Variants in TLN2 observed in about 807,000 individuals in gnomAD.
TLN2 encodes the protein talin-2.
Under a neutral mutation model 294.7 loss-of-function variants are expected in TLN2, and 118 were observed. That is an observed-to-expected ratio of 0.40 (90% CI 0.34 to 0.47). The LOEUF is 0.47. Ranked by LOEUF, TLN2 falls within the 20% of genes least tolerant of loss-of-function variation. The pLI, the probability that TLN2 is intolerant of heterozygous loss-of-function variation, is 0.84. For missense variants in TLN2, 3,083 were observed against 3,282.2 expected (o/e 0.94, Z 1.48); for synonymous variants, 1,431 against 1,304.5 (o/e 1.10, Z -2.09).
intron 1 of TLN2, among the ~76,000 whole-genome samples, chr15:62,572,746 A>G (rs999854062): frequency 1.3e-5 from 2 of 152,196 alleles, no homozygotes; most frequent in Non-Finnish European, 2.9e-5. Context: ...TTGCCCCTGC[A>G]GGCCTCTCTG....
intron 1 of TLN2, among the ~76,000 whole-genome samples, chr15:62,521,061 C>G (rs1225580203): frequency 6.6e-6 from 1 of 152,176 alleles, no homozygotes; most frequent in African/African-American, 2.4e-5. Flanking sequence ...CAGTGTCATT[C>G]CTTTGTCCCT....
intron 1 of TLN2, among the ~76,000 whole-genome samples, chr15:62,410,093 T>C (rs1264666814): frequency 2.6e-5 from 4 of 152,118 alleles, no homozygotes; most frequent in Non-Finnish European, 5.9e-5. Context: ...AATACAAAAA[T>C]TAGCCGGGCG....
At chr15:62,667,818 A>G (rs571529323) in intron 9 of TLN2, among the ~76,000 whole-genome samples, 17 of 152,332 alleles carry the variant, frequency 1.1e-4, no homozygotes, top group African/African-American at 3.1e-4. Flanking sequence ...TAAATTTTAC[A>G]TAAGAAAATG....
chr15:62,545,198 G>A (rs564935940), intron 1 of TLN2, among the ~76,000 whole-genome samples: 16 of 151,946 alleles, frequency 1.1e-4, no homozygotes, highest in East Asian at 5.8e-4. Flanking sequence ...TCGGCCTTCC[G>A]GAGTGCTGGG....
intron 52 of TLN2, among the ~76,000 whole-genome samples, chr15:62,810,800 G>A (rs1267700192): frequency 2.0e-5 from 3 of 152,104 alleles, no homozygotes; most frequent in Non-Finnish European, 1.5e-5. Context: ...CCATAGTCAG[G>A]GACACCCCCA....
intron 12 of TLN2, among the ~76,000 whole-genome samples, chr15:62,690,601 C>T (rs1424364818): frequency 1.3e-5 from 2 of 148,518 alleles, no homozygotes; most frequent in East Asian, 2.0e-4. Context: ...CCTTACTTCC[C>T]AGACGGGGTG....
intron 2 of TLN2, among the ~76,000 whole-genome samples, chr15:62,615,502 C>CT (rs2048243648): frequency 6.6e-6 from 1 of 152,184 alleles, no homozygotes; most frequent in Non-Finnish European, 1.5e-5. Context: ...AGATAGTCTA[C>CT]TGTATATGCA....
intron 1 of TLN2, among the ~76,000 whole-genome samples, chr15:62,490,557 G>A (rs370201142): frequency 2.6e-5 from 4 of 152,018 alleles, no homozygotes; most frequent in Non-Finnish European, 4.4e-5. Flanking sequence ...GAGACATTCC[G>A]TCTTCCCCAA....
chr15:62,761,948 A>G (rs369359576), intron 38 of TLN2, 127 bp downstream of exon 38: 20 of 1,260,734 alleles, frequency 1.6e-5, no homozygotes, highest in Middle Eastern at 2.0e-4. Context: ...ACTCTTGTCA[A>G]TGATGGCATG....
intron 1 of TLN2, among the ~76,000 whole-genome samples, chr15:62,534,202 A>T (rs552450709): frequency 5.9e-5 from 9 of 152,070 alleles, no homozygotes; most frequent in Non-Finnish European, 1.5e-5. Context: ...TCCTGCAGAC[A>T]CCAGCTGGGT....
At chr15:62,611,695 A>G (rs2047929593) in intron 2 of TLN2, among the ~76,000 whole-genome samples, 1 of 152,092 alleles carries the variant, frequency 6.6e-6, no homozygotes, top group African/African-American at 2.4e-5. Flanking sequence ...AAGTTTCTCA[A>G]GCCTTCGGAG....
intron 46 of TLN2, among the ~76,000 whole-genome samples, chr15:62,795,097 G>T (rs2065374889): frequency 6.6e-6 from 1 of 152,190 alleles, no homozygotes; most frequent in Admixed American, 6.5e-5. Flanking sequence ...GGAGAGCAGG[G>T]GGAGGTGTCC....
At chr15:62,562,942 AC>A (rs2140604791) in intron 1 of TLN2, among the ~76,000 whole-genome samples, 1 of 149,212 alleles carries the variant, frequency 6.7e-6, no homozygotes, top group East Asian at 2.0e-4. Flanking sequence ...ACACACACAC[AC>A]ACACACACAC....
At chr15:62,678,526 A>G (rs577521977) in intron 11 of TLN2, among the ~76,000 whole-genome samples, 1 of 152,306 alleles carries the variant, frequency 6.6e-6, no homozygotes, top group East Asian at 1.9e-4. Flanking sequence ...CTTAATAGAA[A>G]TGCTAGAGAG....
At chr15:62,829,136 G>T (rs184224941) in intron 54 of TLN2, 194 of 134,862 alleles carry the variant, frequency 1.4e-3, no homozygotes, top group African/African-American at 5.2e-3. Flanking sequence ...GGTTTTTGAG[G>T]GTACATAGTA....
chr15:62,812,158 C>T (rs1042745652), intron 52 of TLN2, among the ~76,000 whole-genome samples: 3 of 152,146 alleles, frequency 2.0e-5, no homozygotes, highest in African/African-American at 4.8e-5. Context: ...GGAGCTCTCC[C>T]CCTATGCTCC....
At chr15:62,797,103 CTCT>C (rs1459560662) in intron 47 of TLN2, 113 bp from the exon 48 acceptor site, 7 of 1,145,880 alleles carry the variant, frequency 6.1e-6, no homozygotes, top group Non-Finnish European at 7.5e-6. Context: ...CACAGCACTT[CTCT>C]TCTTCAAAGC....
intron 1 of TLN2, among the ~76,000 whole-genome samples, chr15:62,509,273 GTGTT>G (rs1452334836): frequency 1.6e-5 from 2 of 121,234 alleles, no homozygotes; most frequent in African/African-American, 4.1e-5. Context: ...AAAATGTCTT[GTGTT>G]TGTTTTGTTT....
At chr15:62,610,073 G>A (rs1163057873) in intron 2 of TLN2, among the ~76,000 whole-genome samples, 3 of 152,116 alleles carry the variant, frequency 2.0e-5, no homozygotes, top group African/African-American at 4.8e-5. Context: ...TTAGGAGGGG[G>A]TGCCATGGGC....
Sources: gnomAD v4.1 joint callset for allele counts (sites outside exome capture counted in the v4.1 genomes callset) on GRCh38, gnomAD v4.1.1 for gene constraint, MANE v1.5 for transcripts, NCBI Gene and HGNC (gene_info 2026-07-23, HGNC 2026-07-21) for gene names.